MTA3: variants seen among roughly 807,000 people sequenced by gnomAD.
MTA3 encodes metastasis-associated protein MTA3.
A neutral mutation model predicts 83.5 loss-of-function variants in MTA3; 34 were observed. The ratio of observed to expected loss-of-function variants is 0.41; its 90% CI spans 0.31 to 0.54. MTA3 has a LOEUF of 0.54. Among genes scored for constraint, MTA3 ranks in the 20% least tolerant of loss-of-function variants. MTA3 has a pLI of 0.33. For synonymous variants in MTA3, 303 were observed against 252.7 expected, an observed-to-expected ratio of 1.20 and a Z score of -1.89; for missense variants, 761 against 726.4, an observed-to-expected ratio of 1.05 and a Z score of -0.55.
At chr2:42,718,172 T>C (rs1212587191) in intron 14 of MTA3, among the ~76,000 whole-genome samples, 3 of 151,846 alleles carry the variant, frequency 2.0e-5, no homozygotes, top group Non-Finnish European at 4.4e-5. Flanking sequence ...CACATGGTTA[T>C]TGTAGGCATG....
At position 42,568,659 on chromosome 2, in the gene MTA3, C is replaced by T. The variant is rs1678071603; in HGVS notation, c.-87C>T. The T allele has an allele frequency of 3.2e-6, 3 of 940,004 alleles. No individual in the cohort carries two copies. Among genetic ancestry groups the T allele is most frequent in the Non-Finnish European group, 3.9e-6 (3 of 760,028 alleles). 58.2% of individuals were successfully genotyped at this position (940,004 alleles called of 1,614,324 possible). On this transcript the variant is annotated 5_prime_UTR_variant, in exon 1 of 17. Transcript: ENST00000405094. ...GGCGAGGCAGCAGCGACGGCGGCGG[C>T]GGCAGCGGCGGTCGCGGCTGAGGCT...
chr2:42,664,151 C>T (rs1690002066), intron 8 of MTA3, among the ~76,000 whole-genome samples: 1 of 152,110 alleles, frequency 6.6e-6, no homozygotes, highest in Non-Finnish European at 1.5e-5. Context: ...TTCTTTGAGG[C>T]AGCACTGAAG....
chr2:42,626,905 T>C (rs1686157357), intron 4 of MTA3, among the ~76,000 whole-genome samples: 1 of 151,802 alleles, frequency 6.6e-6, no homozygotes, highest in Non-Finnish European at 1.5e-5. Context: ...CACACCCAGC[T>C]AATTTTTGTA....
intron 3 of MTA3, among the ~76,000 whole-genome samples, chr2:42,586,921 G>T (rs751310327): frequency 1.8e-4 from 28 of 152,206 alleles, no homozygotes; most frequent in Non-Finnish European, 3.4e-4. Flanking sequence ...TACTCAGGAG[G>T]CTGAGGCAAG....
intron 3 of MTA3, among the ~76,000 whole-genome samples, chr2:42,585,671 A>G (rs972185968): frequency 1.3e-5 from 2 of 150,360 alleles, no homozygotes; most frequent in Non-Finnish European, 3.0e-5. Flanking sequence ...ACCGGGTTTC[A>G]CCGTGTTGGC....
At chr2:42,532,856 C>T (rs987602384) in intron 2 of MTA3, 3 of 374,776 alleles carry the variant, frequency 8.0e-6, no homozygotes. Flanking sequence ...CTGGCTGGCA[C>T]TTCAGTTGAA....
chr2:42,659,792 A>G lies in MTA3; in HGVS notation c.632A>G (p.Asp211Gly). 1 of 1,606,828 alleles carries G rather than the reference A, an allele frequency of 6.2e-7. No individual in the cohort carries two copies. The highest frequency in any genetic ancestry group is 8.5e-7 in the Non-Finnish European group (1 of 1,176,640). Residue 211 changes from aspartate (D) to glycine (G), a missense_variant, in exon 8 of 17, where the codon GAT becomes GGT. Asp to Gly is a moderately conservative substitution (Grantham distance 94). Transcript: ENST00000405094. ...RAVGTFARAL[D>G]CSSSVRQPSL... ...GTTGGGACATTCGCCAGAGCCCTGG[A>G]TTGCAGCAGTTCTGTGAGGCAGCCT...
intron 8 of MTA3, among the ~76,000 whole-genome samples, chr2:42,680,646 T>TA (rs1274009242): frequency 1.3e-5 from 2 of 152,240 alleles, no homozygotes; most frequent in African/African-American, 4.8e-5. Context: ...GTTTTCCTGT[T>TA]ACACATACAC....
chr2:42,633,230 G>T (rs1686855071), intron 4 of MTA3, among the ~76,000 whole-genome samples: 1 of 151,358 alleles, frequency 6.6e-6, no homozygotes, highest in Admixed American at 6.6e-5. Context: ...AGTGAGCCGA[G>T]ATCGCACCAC....
At chr2:42,644,305 C>T (rs534207394) in intron 6 of MTA3, 61 bp downstream of exon 6, 3 of 1,060,922 alleles carry the variant, frequency 2.8e-6, no homozygotes, top group African/African-American at 3.2e-5. Context: ...CTCAAATATA[C>T]ATGTCCTCAT....
chr2:42,651,299 T>C (rs1407340458), intron 6 of MTA3, among the ~76,000 whole-genome samples: 1 of 152,238 alleles, frequency 6.6e-6, no homozygotes. Flanking sequence ...CTGTAGACTT[T>C]ATAAACACTG....
intron 5 of MTA3, among the ~76,000 whole-genome samples, chr2:42,642,915 G>A (rs146171374): frequency 0.01 from 1,553 of 152,142 alleles, 24 homozygotes; most frequent in African/African-American, 0.034. Flanking sequence ...AAAGTGCTGG[G>A]ATTATAGGCA....
Position 42,517,879 on chromosome 2 carries a change from A to G in MTA3, c.-141+22625A>G, listed in dbSNP as rs187927005. ...GACTCTGTCTCAAAAAAAAAAAAAAAAAGAAGAAAAGAAAATACAGTAGAG... is the reference window on the plus strand; with the variant it reads ...GACTCTGTCTCAAAAAAAAAAAAAAGAAGAAGAAAAGAAAATACAGTAGAG... On this transcript the variant is annotated intron_variant, in intron 2 of 17. Coordinates refer to the MTA3 transcript ENST00000405592. Among the ~76,000 whole-genome samples the G allele has an allele frequency of 5.9e-3, 897 of 151,078 alleles. 9 individuals are homozygous for G. The highest frequency in any genetic ancestry group is 8.9e-3 in the Non-Finnish European group (601 of 67,754).
Position 42,667,576 on chromosome 2 carries a change from G to GTGTGTGTGTT in MTA3, c.702+7723_702+7724insTTGTGTGTGT, listed in dbSNP as rs1690352264. Among the ~76,000 whole-genome samples, 10 of 124,398 alleles carry GTGTGTGTGTT rather than the reference G, an allele frequency of 8.0e-5. No homozygotes were observed. In the South Asian group the frequency reaches 1.4e-3, roughly 18 times the overall value. 81.6% of individuals were successfully genotyped at this position (124,398 alleles called of 152,430 possible). A position where few individuals can be genotyped will look rare whatever the true frequency, so the allele number is the denominator to read the frequency against. ...AATTTCCATCATTTAAAAATTGTGT[G>GTGTGTGTGTT]TGTGTGTGTGTGTGTGTGTGTGTGT... On this transcript the variant is annotated intron_variant, in intron 8 of 16. Coordinates refer to ENST00000405094, the MANE Select transcript of MTA3 (RefSeq NM_001330442.2).
chr2:42,562,695 T>G (rs780722939), intron 2 of MTA3, among the ~76,000 whole-genome samples: 26 of 152,174 alleles, frequency 1.7e-4, no homozygotes, highest in Admixed American at 5.9e-4. Context: ...GGAACCTGCT[T>G]CTTTCCCTGG....
At chr2:42,585,953 A>C (rs1376899177) in intron 3 of MTA3, among the ~76,000 whole-genome samples, 1 of 152,096 alleles carries the variant, frequency 6.6e-6, no homozygotes, top group Non-Finnish European at 1.5e-5. Flanking sequence ...AAAAAAAATA[A>C]ATTATAAACA....
intron 2 of MTA3, among the ~76,000 whole-genome samples, chr2:42,530,937 C>A (rs1675936207): frequency 6.6e-6 from 1 of 152,114 alleles, no homozygotes; most frequent in Admixed American, 6.6e-5. Flanking sequence ...TTAAGCAATT[C>A]TCCTGCCTCA....
chr2:42,651,761 C>G (rs1688736239), intron 6 of MTA3, among the ~76,000 whole-genome samples: 1 of 148,434 alleles, frequency 6.7e-6, no homozygotes, highest in East Asian at 2.0e-4. Context: ...TTGTCCGCCA[C>G]TGTACTCCAG....
chr2:42,596,375 C>T (rs1189176537), intron 3 of MTA3, among the ~76,000 whole-genome samples: 1 of 152,158 alleles, frequency 6.6e-6, no homozygotes, highest in Non-Finnish European at 1.5e-5. Flanking sequence ...TTTATCACAG[C>T]ATTAAAGTAA....
Sources: gnomAD v4.1 joint callset for allele counts (sites outside exome capture counted in the v4.1 genomes callset) on GRCh38, gnomAD v4.1.1 for gene constraint, MANE v1.5 for transcripts, NCBI Gene and HGNC (gene_info 2026-07-23, HGNC 2026-07-21) for gene names.